The following CASD1 variants were observed in gnomAD, a reference collection of about 807,000 sequenced individuals.
The protein encoded by CASD1 is N-acetylneuraminate (7)9-O-acetyltransferase.
Under a neutral mutation model 100.0 loss-of-function variants are expected in CASD1, and 41 were observed. That is an observed-to-expected ratio of 0.41 (90% CI 0.32 to 0.53). The LOEUF (loss-of-function observed/expected upper bound fraction) is 0.53. Ranked by LOEUF, CASD1 falls within the 20% of genes least tolerant of loss-of-function variation. The probability of loss-of-function intolerance (pLI) is 0.25; values close to 1 mark genes in which losing one functional copy is unlikely to be tolerated. For synonymous variants in CASD1, 321 were observed against 315.6 expected, an observed-to-expected ratio of 1.02 and a Z score of -0.18; for missense variants, 774 against 948.7, an observed-to-expected ratio of 0.82 and a Z score of 2.42.
chr7:94,582,593 C>T, the CASD1 span, among the ~76,000 whole-genome samples: 1 of 152,176 alleles, frequency 6.6e-6, no homozygotes, highest in African/African-American at 2.4e-5. Context: ...TTCTCCCATT[C>T]TGTAGGTTGT....
At chr7:94,548,948 G>T (rs1017182805) in intron 13 of CASD1, among the ~76,000 whole-genome samples, 16 of 152,070 alleles carry the variant, frequency 1.1e-4, no homozygotes, top group Non-Finnish European at 1.5e-4. Context: ...GAGTAAAACT[G>T]TAAACTTTGT....
At chr7:94,629,589 C>T in the CASD1 span, 1 of 845,624 alleles carries the variant, frequency 1.2e-6, no homozygotes, top group Non-Finnish European at 1.9e-6. Flanking sequence ...AAATATCCTA[C>T]AACAATTTAT....
chr7:94,627,027 TA>T, the CASD1 span: 7 of 152,006 alleles, frequency 4.6e-5, no homozygotes, highest in East Asian at 1.2e-3. Flanking sequence ...ACTGAATATT[TA>T]AAAAAATTAA....
At chr7:94,524,993 A>G (rs1794484599) in intron 3 of CASD1, among the ~76,000 whole-genome samples, 1 of 152,202 alleles carries the variant, frequency 6.6e-6, no homozygotes, top group African/African-American at 2.4e-5. Context: ...ATCAATGTCA[A>G]AATTCCTTAT....
chr7:94,513,527 C>G (rs1441453079), intron 1 of CASD1, among the ~76,000 whole-genome samples: 1 of 152,122 alleles, frequency 6.6e-6, no homozygotes, highest in Non-Finnish European at 1.5e-5. Context: ...CCTGCAGTGA[C>G]TTCTCTCTTG....
At chr7:94,527,525 G>A (rs1293071106) in intron 4 of CASD1, among the ~76,000 whole-genome samples, 2 of 151,014 alleles carry the variant, frequency 1.3e-5, no homozygotes, top group Non-Finnish European at 2.9e-5. Flanking sequence ...AATGAAGATT[G>A]CAGGTCTTTA....
chr7:94,575,199 C>T, the CASD1 span, among the ~76,000 whole-genome samples: 2 of 152,058 alleles, frequency 1.3e-5, no homozygotes, highest in African/African-American at 4.8e-5. Context: ...TATGAATTTC[C>T]CTCTTAACAC....
At chr7:94,537,412 A>C (rs1795173216) in intron 8 of CASD1, 60 bp from the exon 9 acceptor site, 1 of 1,473,064 alleles carries the variant, frequency 6.8e-7, no homozygotes, top group Admixed American at 2.2e-5. Context: ...CACAGGAGAA[A>C]ATTTAATGTG....
intron 1 of CASD1, among the ~76,000 whole-genome samples, chr7:94,515,998 G>A (rs1385711381): frequency 6.6e-6 from 1 of 151,934 alleles, no homozygotes; most frequent in African/African-American, 2.4e-5. Context: ...AATAACTTGT[G>A]TGTTTCTGGA....
intron 8 of CASD1, among the ~76,000 whole-genome samples, chr7:94,537,069 T>A (rs1295100135): frequency 6.6e-6 from 1 of 152,110 alleles, no homozygotes; most frequent in Non-Finnish European, 1.5e-5. Context: ...CTAATTAAAA[T>A]TCTTTGGTCC....
chr7:94,540,338 T>C (rs1288658687), intron 10 of CASD1, among the ~76,000 whole-genome samples: 1 of 152,176 alleles, frequency 6.6e-6, no homozygotes, highest in African/African-American at 2.4e-5. Context: ...GAGAGGAGTG[T>C]TGCCCAGAAA....
At chr7:94,590,672 A>G in the CASD1 span, 5 of 152,182 alleles carry the variant, frequency 3.3e-5, no homozygotes, top group African/African-American at 1.2e-4. Context: ...TTGAAACCCT[A>G]AGCAGAACTG....
At chr7:94,578,002 G>C in the CASD1 span, among the ~76,000 whole-genome samples, 1 of 152,178 alleles carries the variant, frequency 6.6e-6, no homozygotes, top group African/African-American at 2.4e-5. Flanking sequence ...TGTGGTGCTA[G>C]AGAGGGAAAG....
At chr7:94,545,365 C>G (rs180813754) in intron 11 of CASD1, among the ~76,000 whole-genome samples, 180 bp from the exon 12 acceptor site, 2 of 152,102 alleles carry the variant, frequency 1.3e-5, no homozygotes, top group Admixed American at 1.3e-4. Context: ...TTATATTCAG[C>G]TCTTTACAGT....
At chr7:94,582,125 G>A in the CASD1 span, among the ~76,000 whole-genome samples, 1 of 152,030 alleles carries the variant, frequency 6.6e-6, no homozygotes, top group African/African-American at 2.4e-5. Context: ...TTTCTCTAAT[G>A]ATCAGCGATG....
chr7:94,625,455 T>G, the CASD1 span: 4 of 152,060 alleles, frequency 2.6e-5, no homozygotes, highest in Admixed American at 2.0e-4. Flanking sequence ...TGAACTCTTA[T>G]GAAACCATCC....
chr7:94,547,408 A>G (rs759320954), intron 13 of CASD1, among the ~76,000 whole-genome samples: 1 of 151,884 alleles, frequency 6.6e-6, no homozygotes, highest in Non-Finnish European at 1.5e-5. Context: ...CAGTTGTTCA[A>G]GATCCGTTTT....
the CASD1 span, among the ~76,000 whole-genome samples, chr7:94,569,900 G>A: frequency 2.7e-5 from 4 of 147,208 alleles, no homozygotes; most frequent in African/African-American, 1.0e-4. Context: ...TGCAAGCTCT[G>A]CCTCCCGGGT....
chr7:94,528,667 T>G (rs113451184), intron 5 of CASD1, among the ~76,000 whole-genome samples: 1,870 of 152,282 alleles, frequency 0.012, 11 homozygotes, highest in Non-Finnish European at 0.018. Flanking sequence ...TTCCTTTTAT[T>G]ATTATATTTG....
Sources: gnomAD v4.1 joint callset for allele counts (sites outside exome capture counted in the v4.1 genomes callset) on GRCh38, gnomAD v4.1.1 for gene constraint, MANE v1.5 for transcripts, NCBI Gene and HGNC (gene_info 2026-07-23, HGNC 2026-07-21) for gene names.